Variants in GNA14 observed in about 807,000 individuals in gnomAD.
GNA14 encodes the protein guanine nucleotide-binding protein subunit alpha-14.
In GNA14, 50 loss-of-function variants were observed where a neutral mutation model predicts 42.0. The ratio of observed to expected loss-of-function variants is 1.19; its 90% CI spans 0.95 to 1.51. The LOEUF (loss-of-function observed/expected upper bound fraction) is 1.51, where lower values mean the gene tolerates loss of function less well. Ranked by LOEUF, GNA14 falls within the 40% of genes most tolerant of loss-of-function variation. GNA14 has a pLI of 0.00. For missense variants in GNA14, 473 were observed against 446.2 expected, an observed-to-expected ratio of 1.06 and a Z score of -0.54; for synonymous variants, 173 against 163.1, an observed-to-expected ratio of 1.06 and a Z score of -0.46.
At chr9:77,432,492 A>G (rs915074168) in intron 3 of GNA14, among the ~76,000 whole-genome samples, 2 of 152,210 alleles carry the variant, frequency 1.3e-5, no homozygotes, top group Admixed American at 6.5e-5. Context: ...CACTGGTTGT[A>G]TAATACCTGC....
chr9:77,518,897 G>T (rs888064472), intron 2 of GNA14, among the ~76,000 whole-genome samples: 1 of 152,048 alleles, frequency 6.6e-6, no homozygotes, highest in Admixed American at 6.5e-5. Flanking sequence ...GATAAAATAC[G>T]CAGTTAAACA....
At chr9:77,505,630 C>T (rs147172932) in intron 2 of GNA14, among the ~76,000 whole-genome samples, 2 of 152,270 alleles carry the variant, frequency 1.3e-5, no homozygotes, top group East Asian at 1.9e-4. Flanking sequence ...GATTTTGAGT[C>T]GCATGCTGTT....
intron 1 of GNA14, among the ~76,000 whole-genome samples, chr9:77,576,264 G>C (rs1217484669): frequency 1.3e-5 from 2 of 152,134 alleles, no homozygotes; most frequent in Non-Finnish European, 2.9e-5. Context: ...TTTGTCCAGT[G>C]ATCGGATAGG....
At chr9:77,478,814 C>T (rs779891033) in intron 2 of GNA14, among the ~76,000 whole-genome samples, 1 of 152,192 alleles carries the variant, frequency 6.6e-6, no homozygotes. Flanking sequence ...CTTTTGGCTG[C>T]ATTAATGTCT....
intron 5 of GNA14, among the ~76,000 whole-genome samples, chr9:77,425,950 A>G (rs1293574905): frequency 2.0e-5 from 3 of 152,116 alleles, no homozygotes; most frequent in Non-Finnish European, 4.4e-5. Context: ...GTAGCATCCC[A>G]GCTCTTCTCC....
At chr9:77,545,349 A>G (rs1267456350) in intron 1 of GNA14, among the ~76,000 whole-genome samples, 1 of 152,218 alleles carries the variant, frequency 6.6e-6, no homozygotes, top group Non-Finnish European at 1.5e-5. Context: ...TAAAAATATA[A>G]TGCACTACCG....
rs150204261 is a variant in GNA14 at position 77,529,131 on chromosome 9, T to A, written c.247A>T (p.Met83Leu). ...KLVYQNIFTAMQAMIRAMDTL... is the reference protein window; with the variant it reads ...KLVYQNIFTALQAMIRAMDTL... ...TCCATCGCTCTGATCATGGCTTGCA[T>A]GGCGGTGAATATGTTTTGGTAAACC... The change falls in exon 2 of 7, where the codon ATG becomes TTG. Residue 83 changes from methionine (M) to leucine (L), a missense_variant. By Grantham distance (15) the Met-to-Leu change is conservative. Coordinates refer to ENST00000341700, the MANE Select transcript of GNA14 (RefSeq NM_004297.4). 73 of 1,614,192 alleles carry A rather than the reference T, an allele frequency of 4.5e-5. 1 individual carries two copies. In the East Asian group the frequency reaches 1.4e-3, roughly 30 times the overall value.
At chr9:77,507,910 G>C (rs1028660253) in intron 2 of GNA14, among the ~76,000 whole-genome samples, 1 of 152,148 alleles carries the variant, frequency 6.6e-6, no homozygotes, top group Non-Finnish European at 1.5e-5. Flanking sequence ...AGTAGAGAAA[G>C]TGTTATCATA....
intron 1 of GNA14, among the ~76,000 whole-genome samples, chr9:77,542,100 C>A (rs562431822): frequency 6.6e-6 from 1 of 152,102 alleles, no homozygotes; most frequent in African/African-American, 2.4e-5. Context: ...TATTACCTTG[C>A]TTTTTCCTGT....
At position 77,463,190 on chromosome 9, in the gene GNA14, A is replaced by T. The variant is rs540695071; in HGVS notation, c.310-28668T>A. On this transcript the variant is annotated intron_variant, in intron 2 of 6. Transcript: ENST00000341700. Reference sequence around the variant, plus strand: ...AAGTGACAGTGGAATGTGGGACTGTAAAAACTCCCACACCAGTAAGTAGAC... The same window carrying T: ...AAGTGACAGTGGAATGTGGGACTGTTAAAACTCCCACACCAGTAAGTAGAC... Among the ~76,000 whole-genome samples the T allele has an allele frequency of 3.9e-5, 6 of 152,292 alleles. No homozygotes were observed. In the South Asian group the frequency reaches 1.2e-3, roughly 32 times the overall value.
chr9:77,504,559 AG>A (rs1837032259), intron 2 of GNA14, among the ~76,000 whole-genome samples: 1 of 149,428 alleles, frequency 6.7e-6, no homozygotes, highest in South Asian at 2.1e-4. Context: ...AGAGAGAGAG[AG>A]AGAGAGAGAG....
chr9:77,559,310 G>C (rs1055275389), intron 1 of GNA14, among the ~76,000 whole-genome samples: 9 of 152,184 alleles, frequency 5.9e-5, no homozygotes. Context: ...TCCTGGGAGG[G>C]CTCTGGCTGG....
intron 6 of GNA14, 79 bp downstream of exon 6, chr9:77,425,483 G>T: frequency 9.4e-7 from 1 of 1,061,126 alleles, no homozygotes; most frequent in Non-Finnish European, 1.4e-6. Flanking sequence ...GCCCCTTTGA[G>T]CCGTGATAAC....
chr9:77,447,583 G>A (rs1835842576), intron 2 of GNA14, among the ~76,000 whole-genome samples: 1 of 152,180 alleles, frequency 6.6e-6, no homozygotes, highest in South Asian at 2.1e-4. Flanking sequence ...CAGCACAGGT[G>A]TATTTTACAA....
In GNA14 at chr9:77,429,735, G is replaced by A. The variant is rs112716903; in HGVS notation, c.594-699C>T. Among the ~76,000 whole-genome samples, 1,066 of 152,308 alleles carry A rather than the reference G, an allele frequency of 7.0e-3. 14 individuals are homozygous for A. The highest frequency in any genetic ancestry group is 0.024 in the African/African-American group (997 of 41,574). On this transcript the variant is annotated intron_variant, in intron 4 of 6. Transcript: ENST00000341700. ...GGCCCTGTCTACAGGGAAGCCTGCC[G>A]CGTACCTGCAGCCAAGCTCTGCAGA...
At chr9:77,531,242 A>C (rs1837524812) in intron 1 of GNA14, among the ~76,000 whole-genome samples, 1 of 152,228 alleles carries the variant, frequency 6.6e-6, no homozygotes, top group Non-Finnish European at 1.5e-5. Context: ...TGAATGGAAC[A>C]AACATGAGAA....
intron 1 of GNA14, among the ~76,000 whole-genome samples, chr9:77,603,956 CAAAAAAAAAAAAAAAA>C (rs67044542): frequency 3.7e-5 from 3 of 81,608 alleles, no homozygotes; most frequent in African/African-American, 5.0e-5. Context: ...AAAAAAAAAA[CAAAAAAAAAAAAAAAA>C]AAAAAAAAAC....
intron 1 of GNA14, among the ~76,000 whole-genome samples, chr9:77,532,574 G>A (rs1203979469): frequency 1.3e-5 from 2 of 152,144 alleles, no homozygotes; most frequent in African/African-American, 4.8e-5. Context: ...CAGACATCAA[G>A]TATATGACTG....
At chr9:77,546,275 T>C (rs1837719753) in intron 1 of GNA14, among the ~76,000 whole-genome samples, 1 of 145,378 alleles carries the variant, frequency 6.9e-6, no homozygotes, top group Non-Finnish European at 1.5e-5. Flanking sequence ...CTAATCACCA[T>C]ATAGCCTTGG....
Sources: gnomAD v4.1 joint callset for allele counts (sites outside exome capture counted in the v4.1 genomes callset) on GRCh38, gnomAD v4.1.1 for gene constraint, MANE v1.5 for transcripts, NCBI Gene and HGNC (gene_info 2026-07-23, HGNC 2026-07-21) for gene names.